The following PLCE1 variants were observed in gnomAD, a reference collection of about 807,000 sequenced individuals.
The protein encoded by PLCE1 is 1-phosphatidylinositol 4,5-bisphosphate phosphodiesterase epsilon-1.
A neutral mutation model predicts 242.8 loss-of-function variants in PLCE1; 119 were observed. The observed-to-expected ratio is 0.49, with a 90% CI of 0.42 to 0.57. The LOEUF (loss-of-function observed/expected upper bound fraction) is 0.57, where lower values mean the gene tolerates loss of function less well. Among genes scored for constraint, PLCE1 ranks in the 20% least tolerant of loss-of-function variants. PLCE1 has a pLI of 0.00. For missense variants in PLCE1, 2,441 were observed against 2,788.8 expected, an observed-to-expected ratio of 0.88 and a Z score of 2.81; for synonymous variants, 945 against 1,017.4, an observed-to-expected ratio of 0.93 and a Z score of 1.35.
intron 11 of PLCE1, among the ~76,000 whole-genome samples, chr10:94,257,365 A>T (rs1047528410): frequency 6.6e-6 from 1 of 152,084 alleles, no homozygotes; most frequent in Non-Finnish European, 1.5e-5. Flanking sequence ...AAGACAAAAA[A>T]AAACAGGTCC....
intron 5 of PLCE1, among the ~76,000 whole-genome samples, chr10:94,228,905 G>A (rs774614523): frequency 7.9e-5 from 12 of 152,146 alleles, no homozygotes; most frequent in Non-Finnish European, 1.6e-4. Flanking sequence ...GTGTAGGCCG[G>A]GCACGGTGGC....
chr10:94,326,697 TG>T (rs1456452650), intron 32 of PLCE1, among the ~76,000 whole-genome samples: 35 of 152,204 alleles, frequency 2.3e-4, no homozygotes, highest in African/African-American at 7.7e-4. Context: ...TTTAGGAGAC[TG>T]GGGGAGGGTG....
At chr10:94,114,190 C>T (rs2046043404) in intron 2 of PLCE1, among the ~76,000 whole-genome samples, 1 of 152,194 alleles carries the variant, frequency 6.6e-6, no homozygotes, top group Admixed American at 6.5e-5. Context: ...GAACATTTGG[C>T]ATCAAACCTG....
intron 2 of PLCE1, among the ~76,000 whole-genome samples, chr10:94,128,036 G>A (rs895297406): frequency 4.9e-5 from 7 of 142,606 alleles, no homozygotes; most frequent in Non-Finnish European, 9.0e-5. Flanking sequence ...TCACCAGGCT[G>A]GAGTGCAGTG....
Position 94,110,574 on chromosome 10 carries a change from T to A in PLCE1, c.1207-21600T>A, listed in dbSNP as rs549503868. 2.6e-5 allele frequency among the ~76,000 whole-genome samples: 4 copies of A among 152,310 alleles called. No homozygotes were observed. The South Asian group carries it at 8.3e-4, about 32-fold the overall frequency. ...TGAGGTCTAAAGAACTTTATAGTAA[T>A]ATGGAGAAAAACTTGGTTAATACAT... On this transcript the variant is annotated intron_variant, in intron 2 of 32. Transcript: ENST00000371380.
At chr10:94,029,952 T>G (rs938691500) in intron 1 of PLCE1, among the ~76,000 whole-genome samples, 43 of 152,290 alleles carry the variant, frequency 2.8e-4, no homozygotes, top group African/African-American at 8.9e-4. Context: ...TGGATAGAAA[T>G]TTTTTTGATT....
chr10:94,054,977 A>T (rs1239169214), intron 2 of PLCE1, among the ~76,000 whole-genome samples: 2 of 145,296 alleles, frequency 1.4e-5, no homozygotes, highest in Non-Finnish European at 1.5e-5. Flanking sequence ...GGGCCACTGC[A>T]CTCCAGCCTG....
At chr10:94,233,581 A>G (rs992253314) in intron 5 of PLCE1, among the ~76,000 whole-genome samples, 5 of 152,156 alleles carry the variant, frequency 3.3e-5, no homozygotes, top group Admixed American at 1.3e-4. Flanking sequence ...TTCAGTTTCA[A>G]TTTACAAAAG....
intron 4 of PLCE1, among the ~76,000 whole-genome samples, chr10:94,217,850 A>G (rs893440494): frequency 3.3e-5 from 5 of 152,170 alleles, no homozygotes; most frequent in Non-Finnish European, 5.9e-5. Context: ...ACCCAGAATA[A>G]CATGTTCTCT....
At chr10:94,264,995 A>T (rs1461725422) in intron 14 of PLCE1, among the ~76,000 whole-genome samples, 1 of 152,186 alleles carries the variant, frequency 6.6e-6, no homozygotes, top group Non-Finnish European at 1.5e-5. Context: ...CTCTGGCCCC[A>T]TTGTAAACTG....
rs2054128043 is a variant in PLCE1, at chr10:94,329,239, TAA to T, written c.*1297_*1298del. ...TTTAAACTTTGCTGTACAAAACCATTAAGTGTAAAGGATTCTTCATATTCTTA... is the reference window on the plus strand; with the variant it reads ...TTTAAACTTTGCTGTACAAAACCATTGTGTAAAGGATTCTTCATATTCTTA... On this transcript the variant is annotated 3_prime_UTR_variant, in exon 33 of 33. Transcript: ENST00000371380. The T allele has an allele frequency of 6.6e-6, 1 of 152,234 alleles. No homozygotes were observed. 9.4% of individuals were successfully genotyped at this position (152,234 alleles called of 1,614,324 possible). A position where few individuals can be genotyped will look rare whatever the true frequency, so the allele number is the denominator to read the frequency against.
chr10:94,219,226 T>C (rs112382381), intron 4 of PLCE1, among the ~76,000 whole-genome samples: 63 of 152,220 alleles, frequency 4.1e-4, no homozygotes, highest in African/African-American at 1.4e-3. Context: ...CAAGTCAAGA[T>C]ATATTTGTCA....
chr10:94,273,741 A>G (rs1306979975), intron 19 of PLCE1, 21 bp downstream of exon 19: 1 of 1,609,196 alleles, frequency 6.2e-7, no homozygotes, highest in Admixed American at 1.7e-5. Context: ...CTGTTAAACC[A>G]GTTATGAAAA....
At chr10:94,237,263 A>G (rs1409685857) in intron 7 of PLCE1, among the ~76,000 whole-genome samples, 1 of 152,190 alleles carries the variant, frequency 6.6e-6, no homozygotes, top group African/African-American at 2.4e-5. Flanking sequence ...CTTCATCTTT[A>G]AAGATGAAGC....
At chr10:94,016,814 T>G (rs1324290263) in intron 1 of PLCE1, among the ~76,000 whole-genome samples, 2 of 152,324 alleles carry the variant, frequency 1.3e-5, no homozygotes, top group African/African-American at 4.8e-5. Flanking sequence ...TATAATAGCC[T>G]GTTTTATTTG....
chr10:94,167,569 G>C (rs1308729130), intron 3 of PLCE1, among the ~76,000 whole-genome samples: 1 of 151,478 alleles, frequency 6.6e-6, no homozygotes, highest in African/African-American at 2.4e-5. Flanking sequence ...TGCACAACGT[G>C]CAGGTTTGTT....
intron 3 of PLCE1, among the ~76,000 whole-genome samples, chr10:94,153,506 A>C (rs1477894472): frequency 6.6e-6 from 1 of 152,186 alleles, no homozygotes; most frequent in East Asian, 1.9e-4. Flanking sequence ...CCTAAGATCA[A>C]GAACCAAAAA....
chr10:94,240,824 CTCCTT>C (rs1217430409), intron 7 of PLCE1, among the ~76,000 whole-genome samples: 1 of 152,168 alleles, frequency 6.6e-6, no homozygotes. Context: ...CCTTGGTCCT[CTCCTT>C]AAGGCATACA....
At chr10:94,162,395 G>C (rs2047646968) in intron 3 of PLCE1, among the ~76,000 whole-genome samples, 1 of 152,202 alleles carries the variant, frequency 6.6e-6, no homozygotes. Context: ...GAGGGTGTAT[G>C]TGTGGAGGAA....
Sources: allele counts gnomAD v4.1 joint callset (sites outside exome capture counted in the v4.1 genomes callset), GRCh38; gene constraint gnomAD v4.1.1; transcripts MANE v1.5; gene names NCBI Gene and HGNC (gene_info 2026-07-23, HGNC 2026-07-21).